FRMPD2: variants seen among roughly 807,000 people sequenced by gnomAD.
The protein encoded by FRMPD2 is FERM and PDZ domain-containing protein 2.
FRMPD2 carries 96 observed loss-of-function variants against 140.1 expected under a neutral mutation model. The ratio of observed to expected loss-of-function variants is 0.69; its 90% confidence interval spans 0.58 to 0.81. The LOEUF (loss-of-function observed/expected upper bound fraction) is 0.81, where lower values mean the gene tolerates loss of function less well. Among genes scored for constraint, FRMPD2 ranks in the 40% least tolerant of loss-of-function variants. The pLI is 0.00. For synonymous variants in FRMPD2, 449 were observed against 547.6 expected (o/e 0.82, Z 2.52); for missense variants, 1,240 against 1,447.4 (o/e 0.86, Z 2.32).
At chr10:48,234,437 T>C (rs1035153750) in intron 9 of FRMPD2, among the ~76,000 whole-genome samples, 1 of 152,150 alleles carries the variant, frequency 6.6e-6, no homozygotes, top group Non-Finnish European at 1.5e-5. Flanking sequence ...AGCCATGCTG[T>C]AAGGGGAATC....
intron 9 of FRMPD2, among the ~76,000 whole-genome samples, chr10:48,233,889 C>T (rs1296659976): frequency 3.3e-5 from 5 of 152,184 alleles, no homozygotes; most frequent in Non-Finnish European, 5.9e-5. Context: ...GAGGAAAGGT[C>T]CCATGCAGGC....
intron 26 of FRMPD2, 144 bp downstream of exon 26, chr10:48,170,850 T>C (rs1346524330): frequency 1.4e-6 from 1 of 725,398 alleles, no homozygotes; most frequent in Non-Finnish European, 2.6e-6. Flanking sequence ...CATGTACCAC[T>C]AATTACTCTC....
In FRMPD2 at chr10:48,216,299, G is replaced by GAT. The variant is rs551391745; in HGVS notation, c.1456-4192_1456-4191dup. ...TAGATACATAGATGATGGATAGATA[G>GAT]ATAGATAGATAGATAGATAGATAGA... is the stretch of plus-strand genomic sequence containing the variant. On this transcript the variant is annotated intron_variant, in intron 12 of 28. Coordinates refer to ENST00000374201, the MANE Select transcript of FRMPD2 (RefSeq NM_001018071.4). Among the ~76,000 whole-genome samples the GAT allele has an allele frequency of 8.5e-3, 1,279 of 149,896 alleles. 9 individuals carry two copies. The highest frequency in any genetic ancestry group is 0.014 in the Non-Finnish European group (960 of 67,696).
At chr10:48,255,597 G>C (rs1334725748) in intron 1 of FRMPD2, among the ~76,000 whole-genome samples, 1 of 152,256 alleles carries the variant, frequency 6.6e-6, no homozygotes, top group African/African-American at 2.4e-5. Context: ...GGGATGGGCA[G>C]AGGGAGACAG....
chr10:48,190,111 G>T (rs1838794391), intron 16 of FRMPD2, among the ~76,000 whole-genome samples: 2 of 152,164 alleles, frequency 1.3e-5, no homozygotes, highest in South Asian at 4.1e-4. Context: ...AATGGCCTCT[G>T]TACCATGACA....
In FRMPD2 at chr10:48,179,992, G is replaced by A. The variant is rs1838503395; in HGVS notation, c.2790+811C>T. On this transcript the variant is annotated intron_variant, in intron 21 of 28. Transcript: ENST00000374201. ...GCTGTGACCACCCCTGAGCCTGAAG[G>A]GCGAGAGAAGGGAGTGGTCGATGGA... Among the ~76,000 whole-genome samples the A allele has an allele frequency of 2.6e-5, 4 of 152,242 alleles. No individual in the cohort carries two copies. The South Asian group carries it at 8.3e-4, about 32-fold the overall frequency.
chr10:48,189,770 G>C (rs1223683385), intron 16 of FRMPD2, among the ~76,000 whole-genome samples: 1 of 152,192 alleles, frequency 6.6e-6, no homozygotes, highest in Non-Finnish European at 1.5e-5. Flanking sequence ...GTCAAGACCT[G>C]ATGCCACATC....
chr10:48,254,252 A>T (rs1350120586), intron 1 of FRMPD2, among the ~76,000 whole-genome samples: 2 of 152,220 alleles, frequency 1.3e-5, no homozygotes, highest in East Asian at 3.8e-4. Flanking sequence ...GGAACCATCC[A>T]GAGCTCTGAA....
chr10:48,258,976 C>T (rs908387773), intron 1 of FRMPD2, among the ~76,000 whole-genome samples: 1 of 152,192 alleles, frequency 6.6e-6, no homozygotes, highest in South Asian at 2.1e-4. Context: ...GTTTTAGAAA[C>T]ATGTAAAGTC....
Position 48,240,500 on chromosome 10 carries a change from T to C in FRMPD2, c.568-8A>G. 1 of 1,613,506 alleles carries C rather than the reference T, an allele frequency of 6.2e-7. No homozygotes were observed. Among genetic ancestry groups the C allele is most frequent in the Non-Finnish European group, 8.5e-7 (1 of 1,180,002 alleles). Reference sequence around the variant, plus strand: ...CACAACTCTTTTCTCCACCTGGGGGTCAAGTGCATCACACATCCACATCCC... The same window carrying C: ...CACAACTCTTTTCTCCACCTGGGGGCCAAGTGCATCACACATCCACATCCC... On this transcript the variant is annotated splice_polypyrimidine_tract_variant and splice_region_variant and intron_variant, in intron 5 of 28. Coordinates refer to ENST00000374201, the MANE Select transcript of FRMPD2 (RefSeq NM_001018071.4).
At chr10:48,225,383 C>T (rs1005031167) in intron 10 of FRMPD2, among the ~76,000 whole-genome samples, 1 of 152,160 alleles carries the variant, frequency 6.6e-6, no homozygotes, top group African/African-American at 2.4e-5. Context: ...ACAAGGATAG[C>T]CAGCAGCACA....
intron 28 of FRMPD2, chr10:48,159,384 G>A (rs1422933985): frequency 4.8e-6 from 2 of 412,514 alleles, no homozygotes; most frequent in Non-Finnish European, 9.7e-6. Flanking sequence ...GGATAGCCCT[G>A]GGAGCCTGTA....
chr10:48,238,230 T>C (rs892999845), intron 7 of FRMPD2, 107 bp from the exon 8 acceptor site: 3 of 1,116,496 alleles, frequency 2.7e-6, no homozygotes, highest in Non-Finnish European at 3.8e-6. Flanking sequence ...CACCCACTGA[T>C]GCATGTCACC....
chr10:48,259,007 T>A (rs921208663), intron 1 of FRMPD2, among the ~76,000 whole-genome samples: 1 of 152,248 alleles, frequency 6.6e-6, no homozygotes, highest in African/African-American at 2.4e-5. Flanking sequence ...CAGACTGTCT[T>A]CTTGACATAA....
chr10:48,258,746 C>T (rs1031137555), intron 1 of FRMPD2, among the ~76,000 whole-genome samples: 2 of 152,146 alleles, frequency 1.3e-5, no homozygotes, highest in African/African-American at 4.8e-5. Context: ...TGCCACATTC[C>T]CATCTCACTT....
At position 48,211,113 on chromosome 10, in the gene FRMPD2, G is replaced by A. The variant is rs114468861; in HGVS notation, c.1611+841C>T. On this transcript the variant is annotated intron_variant, in intron 13 of 28. Coordinates refer to ENST00000374201, the MANE Select transcript of FRMPD2 (RefSeq NM_001018071.4). Reference sequence around the variant, plus strand: ...GTTGTGTGCCTGTGGGTAGACCGCAGTCCTCCCCACAAGACATGGGGCTTC... The same window carrying A: ...GTTGTGTGCCTGTGGGTAGACCGCAATCCTCCCCACAAGACATGGGGCTTC... Among the ~76,000 whole-genome samples, 742 of 152,356 alleles carry A rather than the reference G, an allele frequency of 4.9e-3. 6 individuals are homozygous for A. Among genetic ancestry groups the A allele is most frequent in the African/African-American group, 0.017 (713 of 41,574 alleles).
Position 48,222,367 on chromosome 10 carries a change from C to T in FRMPD2, c.1401G>A (p.Leu467=). The change falls in exon 12 of 29, where the codon CTG becomes CTA. Residue 467 remains leucine (L), a synonymous_variant. Coordinates refer to ENST00000374201, the MANE Select transcript of FRMPD2 (RefSeq NM_001018071.4). ...EERLYCNEEI[L]LQLGVLALQA... ...GCAAGGCAAGGACCCCCAGCTGCAGCAGTATCTCTTCATTGCAGTACAGCC... is the reference window on the plus strand; with the variant it reads ...GCAAGGCAAGGACCCCCAGCTGCAGTAGTATCTCTTCATTGCAGTACAGCC... 1 of 1,614,216 alleles carries T rather than the reference C, an allele frequency of 6.2e-7. No homozygotes were observed. Among genetic ancestry groups the T allele is most frequent in the Non-Finnish European group, 8.5e-7 (1 of 1,180,030 alleles).
Position 48,192,938 on chromosome 10 carries a change from T to C in FRMPD2, c.1955-44A>G, listed in dbSNP as rs370931431. On this transcript the variant is annotated intron_variant, in intron 15 of 28. Transcript: ENST00000374201. ...ACATAGACATACACACACACAAGAATGATGCTGGATCCATTGCTCTGGTGG... is the reference window on the plus strand; with the variant it reads ...ACATAGACATACACACACACAAGAACGATGCTGGATCCATTGCTCTGGTGG... 12 of 1,409,932 alleles carry C rather than the reference T, an allele frequency of 8.5e-6. 1 individual carries two copies. The South Asian group carries it at 1.3e-4, about 15-fold the overall frequency. 87.3% of individuals were successfully genotyped at this position (1,409,932 alleles called of 1,614,324 possible). A position where few individuals can be genotyped will look rare whatever the true frequency, so the allele number is the denominator to read the frequency against.
chr10:48,238,373 A>C (rs1476522890), intron 7 of FRMPD2, among the ~76,000 whole-genome samples: 1 of 152,198 alleles, frequency 6.6e-6, no homozygotes, highest in African/African-American at 2.4e-5. Flanking sequence ...TCTCCACCCC[A>C]TGGCTTTACC....
Sources: allele counts gnomAD v4.1 joint callset (sites outside exome capture counted in the v4.1 genomes callset), GRCh38; gene constraint gnomAD v4.1.1; transcripts MANE v1.5; gene names NCBI Gene and HGNC (gene_info 2026-07-23, HGNC 2026-07-21).